The following SLC22A3 variants were observed in gnomAD, a reference collection of about 807,000 sequenced individuals.
SLC22A3 encodes the protein EMT organic cation transporter 3.
In SLC22A3, 51 loss-of-function variants were observed where a neutral mutation model predicts 59.1. The observed-to-expected ratio is 0.86, with a 90% CI of 0.69 to 1.09. The LOEUF is 1.09. Among genes scored for constraint, SLC22A3 ranks in the 50% least tolerant of loss-of-function variants. The pLI, the probability that SLC22A3 is intolerant of heterozygous loss-of-function variation, is 0.00. For synonymous variants in SLC22A3, 325 were observed against 292.0 expected, an observed-to-expected ratio of 1.11 and a Z score of -1.15; for missense variants, 711 against 726.3, an observed-to-expected ratio of 0.98 and a Z score of 0.24.
At chr6:160,408,719 G>A in intron 3 of SLC22A3, 34 bp from the exon 4 acceptor site, 1 of 1,609,076 alleles carries the variant, frequency 6.2e-7, no homozygotes. Context: ...CTGACCTTGT[G>A]CTTCTGTGAC....
At chr6:160,423,786 A>G (rs978543918) in intron 5 of SLC22A3, among the ~76,000 whole-genome samples, 1 of 152,108 alleles carries the variant, frequency 6.6e-6, no homozygotes, top group Non-Finnish European at 1.5e-5. Context: ...GTTCACTCTG[A>G]TTGTAGTTTC....
At chr6:160,446,293 T>A (rs1017432512) in intron 9 of SLC22A3, among the ~76,000 whole-genome samples, 1 of 152,208 alleles carries the variant, frequency 6.6e-6, no homozygotes, top group Non-Finnish European at 1.5e-5. Flanking sequence ...CATGGTCCTA[T>A]GCTGGTGCTG....
intron 5 of SLC22A3, chr6:160,426,061 A>C: frequency 1.0e-6 from 1 of 985,450 alleles, no homozygotes; most frequent in Non-Finnish European, 1.2e-6. Flanking sequence ...TATTCTGCAA[A>C]TCAAGAACCA....
At chr6:160,369,370 A>T (rs1407141604) in intron 1 of SLC22A3, among the ~76,000 whole-genome samples, 1 of 152,234 alleles carries the variant, frequency 6.6e-6, no homozygotes, top group Non-Finnish European at 1.5e-5. Context: ...TTTACAAGTC[A>T]TGGGAAACAA....
intron 1 of SLC22A3, among the ~76,000 whole-genome samples, chr6:160,362,570 C>T (rs1785050117): frequency 6.6e-6 from 1 of 152,104 alleles, no homozygotes; most frequent in South Asian, 2.1e-4. Context: ...GAAGCGAGGG[C>T]GTGGGAGCTG....
At chr6:160,407,227 G>T in intron 3 of SLC22A3, 32 bp downstream of exon 3, 1 of 1,565,922 alleles carries the variant, frequency 6.4e-7, no homozygotes, top group African/African-American at 1.4e-5. Context: ...TTCTCTATTT[G>T]GAAACTAGGG....
chr6:160,373,733 C>T (rs993737698), intron 1 of SLC22A3, among the ~76,000 whole-genome samples: 3 of 152,196 alleles, frequency 2.0e-5, no homozygotes, highest in Non-Finnish European at 4.4e-5. Flanking sequence ...GAGAGGCAGT[C>T]TGGCTACAGT....
rs1009740379 is a variant in SLC22A3, at chr6:160,395,487, G to A, written c.430-2492G>A. 9.2e-5 allele frequency among the ~76,000 whole-genome samples: 14 copies of A among 152,212 alleles called. No individual in the cohort carries two copies. In the East Asian group the frequency reaches 1.4e-3, roughly 15 times the overall value. ...TTTCCAAAGCAAATGTTGCATTTCC[G>A]CTGGTAGTTTGATTTCGCTGTTTGC... On this transcript the variant is annotated intron_variant, in intron 1 of 10. Coordinates refer to ENST00000275300, the MANE Select transcript of SLC22A3 (RefSeq NM_021977.4).
intron 1 of SLC22A3, among the ~76,000 whole-genome samples, chr6:160,396,586 T>C (rs1207503707): frequency 1.3e-5 from 2 of 152,066 alleles, no homozygotes; most frequent in African/African-American, 2.4e-5. Flanking sequence ...AAAACAGAAA[T>C]AGAATTAATT....
intron 10 of SLC22A3, among the ~76,000 whole-genome samples, chr6:160,450,323 C>T (rs994306819): frequency 2.0e-5 from 3 of 152,206 alleles, no homozygotes; most frequent in East Asian, 1.9e-4. Context: ...CCTACTTGCA[C>T]ATCCATTTAT....
chr6:160,420,844 T>C (rs1787701584), intron 5 of SLC22A3, among the ~76,000 whole-genome samples: 1 of 152,198 alleles, frequency 6.6e-6, no homozygotes, highest in Non-Finnish European at 1.5e-5. Context: ...GACACGGGAT[T>C]CCCGCCTGGC....
chr6:160,360,322 A>G (rs941895064), intron 1 of SLC22A3, among the ~76,000 whole-genome samples: 10 of 152,124 alleles, frequency 6.6e-5, no homozygotes, highest in Admixed American at 5.2e-4. Flanking sequence ...GCCAGCCGTG[A>G]TGGCAGGCTC....
chr6:160,426,341 T>G, intron 5 of SLC22A3: 1 of 985,352 alleles, frequency 1.0e-6, no homozygotes, highest in Non-Finnish European at 1.2e-6. Context: ...TTGGTTCTTG[T>G]TTTTTGAGGG....
intron 1 of SLC22A3, among the ~76,000 whole-genome samples, chr6:160,383,725 G>T (rs188634057): frequency 3.3e-5 from 5 of 152,120 alleles, no homozygotes; most frequent in Admixed American, 6.5e-5. Flanking sequence ...TGTCCAGTCT[G>T]CCCTCCTTAT....
chr6:160,399,489 C>T (rs2114836387), intron 2 of SLC22A3, among the ~76,000 whole-genome samples: 1 of 152,232 alleles, frequency 6.6e-6, no homozygotes, highest in South Asian at 2.1e-4. Context: ...TTTCCCCTTC[C>T]TATATTCTCA....
At chr6:160,410,875 A>G in intron 5 of SLC22A3, 29 bp downstream of exon 5, 1 of 1,348,680 alleles carries the variant, frequency 7.4e-7, no homozygotes, top group South Asian at 1.2e-5. Context: ...AGTAACAAAT[A>G]TTGCTAAAGC....
chr6:160,382,578 G>A (rs1785837897), intron 1 of SLC22A3, among the ~76,000 whole-genome samples: 1 of 152,166 alleles, frequency 6.6e-6, no homozygotes, highest in South Asian at 2.1e-4. Context: ...AGGCTGCAGT[G>A]ACTATTATCT....
intron 5 of SLC22A3, among the ~76,000 whole-genome samples, chr6:160,416,377 C>T (rs1583493256): frequency 6.6e-6 from 1 of 151,972 alleles, no homozygotes; most frequent in African/African-American, 2.4e-5. Context: ...AGGTAGTTAC[C>T]CAATGTAGAA....
At position 160,348,578 on chromosome 6, in the gene SLC22A3, G is replaced by A. The variant is rs1425050151; in HGVS notation, c.159G>A (p.Gly53=). Residue 53 remains glycine (G), a synonymous_variant, in exon 1 of 11, where the codon GGG becomes GGA. Transcript: ENST00000275300. ...AGCCCGACCACTACTGGTGCCGCGG[G>A]CCAAGTGCCGCGGCGCTGGCCGAGC... ...GTQPDHYWCR[G]PSAAALAERC... is the part of the protein sequence containing the mutation. The A allele has an allele frequency of 1.3e-6, 2 of 1,530,932 alleles. No individual in the cohort carries two copies. Among genetic ancestry groups the A allele is most frequent in the Admixed American group, 2.0e-5 (1 of 51,034 alleles). 94.8% of individuals were successfully genotyped at this position (1,530,932 alleles called of 1,614,324 possible). A position where few individuals can be genotyped will look rare whatever the true frequency, so the allele number is the denominator to read the frequency against.
Sources: gnomAD v4.1 joint callset for allele counts (sites outside exome capture counted in the v4.1 genomes callset) on GRCh38, gnomAD v4.1.1 for gene constraint, MANE v1.5 for transcripts, NCBI Gene and HGNC (gene_info 2026-07-23, HGNC 2026-07-21) for gene names.